Variants in CHST9 observed in about 807,000 individuals in gnomAD.
The protein encoded by CHST9 is GalNAc-4-sulfotransferase 2.
CHST9 carries 41 observed loss-of-function variants against 44.4 expected under a neutral mutation model. That is an observed-to-expected ratio of 0.92 (90% CI 0.72 to 1.20). CHST9 has a LOEUF of 1.20. Ranked by LOEUF, CHST9 falls within the 50% of genes most tolerant of loss-of-function variation. The pLI is 0.00. For synonymous variants in CHST9, 171 were observed against 178.4 expected (o/e 0.96, Z 0.33); for missense variants, 504 against 516.5 (o/e 0.98, Z 0.23).
intron 5 of CHST9, among the ~76,000 whole-genome samples, chr18:26,942,068 CT>C (rs71169898): frequency 8.7e-4 from 130 of 149,122 alleles, no homozygotes; most frequent in East Asian, 1.4e-3. Context: ...TCCATTTTGC[CT>C]TTTTTTTTTG....
chr18:27,151,646 G>A (rs2058660267), intron 1 of CHST9, among the ~76,000 whole-genome samples: 2 of 152,140 alleles, frequency 1.3e-5, no homozygotes, highest in Admixed American at 6.6e-5. Flanking sequence ...AGGCAGAGGA[G>A]GAAGTCAGAG....
intron 2 of CHST9, among the ~76,000 whole-genome samples, chr18:27,066,760 C>T (rs892946505): frequency 6.6e-6 from 1 of 152,148 alleles, no homozygotes; most frequent in Non-Finnish European, 1.5e-5. Flanking sequence ...TTATACTTCA[C>T]TATATAACCT....
chr18:27,079,871 T>C (rs533964247), intron 2 of CHST9, among the ~76,000 whole-genome samples: 13 of 152,292 alleles, frequency 8.5e-5, no homozygotes, highest in African/African-American at 3.1e-4. Flanking sequence ...ACTTGTGCTT[T>C]TCATTCTCAC....
At chr18:27,165,744 G>A (rs1400128747) in intron 1 of CHST9, among the ~76,000 whole-genome samples, 3 of 152,072 alleles carry the variant, frequency 2.0e-5, no homozygotes, top group Non-Finnish European at 4.4e-5. Flanking sequence ...TTTTTTATTA[G>A]TTACAAAAGG....
Position 26,944,712 on chromosome 18 carries a change from T to G in CHST9, c.203-346A>C, listed in dbSNP as rs181918200. ...AGTCAAAACAAAGTTTTCCAAACAA[T>G]GACAACCTATTGAAGTATAATACTA... On this transcript the variant is annotated intron_variant, in intron 4 of 5. Coordinates refer to ENST00000618847, the MANE Select transcript of CHST9 (RefSeq NM_031422.6). Among the ~76,000 whole-genome samples the G allele has an allele frequency of 1.1e-4, 17 of 152,174 alleles. No individual in the cohort carries two copies. The East Asian group carries it at 2.9e-3, about 26-fold the overall frequency.
At chr18:27,009,979 A>G (rs2057063437) in intron 4 of CHST9, among the ~76,000 whole-genome samples, 1 of 152,206 alleles carries the variant, frequency 6.6e-6, no homozygotes. Flanking sequence ...TAAAAAGGTA[A>G]TACTTTTGTT....
chr18:27,145,587 G>C (rs754924295), intron 1 of CHST9, among the ~76,000 whole-genome samples: 1 of 152,248 alleles, frequency 6.6e-6, no homozygotes, highest in Non-Finnish European at 1.5e-5. Context: ...CCAGTTCTCT[G>C]AGTTCTCTGA....
At chr18:27,020,053 A>G (rs1221439937) in intron 4 of CHST9, among the ~76,000 whole-genome samples, 2 of 152,260 alleles carry the variant, frequency 1.3e-5, no homozygotes, top group Non-Finnish European at 2.9e-5. Flanking sequence ...AACCAGGCAG[A>G]AATAAAATGG....
intron 2 of CHST9, among the ~76,000 whole-genome samples, chr18:27,092,128 A>G (rs2058075041): frequency 6.6e-6 from 1 of 152,000 alleles, no homozygotes; most frequent in Non-Finnish European, 1.5e-5. Flanking sequence ...AGAGCCTGTT[A>G]TTTGTCTATT....
intron 3 of CHST9, among the ~76,000 whole-genome samples, chr18:27,040,735 AGTTG>A (rs1378287382): frequency 6.6e-6 from 1 of 152,172 alleles, no homozygotes; most frequent in Non-Finnish European, 1.5e-5. Flanking sequence ...GAAGGTTTTA[AGTTG>A]CACAGTATAC....
At chr18:26,942,210 TA>T (rs2056093744) in intron 5 of CHST9, among the ~76,000 whole-genome samples, 1 of 152,218 alleles carries the variant, frequency 6.6e-6, no homozygotes, top group African/African-American at 2.4e-5. Flanking sequence ...AGAGTTTATA[TA>T]AATTAGAGGT....
At chr18:26,931,835 A>C (rs2055883178) in intron 5 of CHST9, among the ~76,000 whole-genome samples, 2 of 152,210 alleles carry the variant, frequency 1.3e-5, no homozygotes, top group African/African-American at 2.4e-5. Flanking sequence ...CAGGTGGTTG[A>C]GATCATATTT....
chr18:26,907,525 G>A lies in CHST9; in HGVS notation c.*8734C>T, dbSNP rs2055385739. 1.3e-5 allele frequency: 2 copies of A among 152,162 alleles called. No homozygotes were observed. Among genetic ancestry groups the A allele is most frequent in the African/African-American group, 4.8e-5 (2 of 41,394 alleles). 9.4% of individuals were successfully genotyped at this position (152,162 alleles called of 1,614,324 possible). Reference sequence around the variant, plus strand: ...TGGTGGAGCTAAAGCAAGGAGAGTGGAAGAGAGTCCCCAAGCAGAGAGGGT... The same window carrying A: ...TGGTGGAGCTAAAGCAAGGAGAGTGAAAGAGAGTCCCCAAGCAGAGAGGGT... On this transcript the variant is annotated 3_prime_UTR_variant, in exon 6 of 6. Transcript: ENST00000618847.
At chr18:27,061,644 T>C (rs1423411766) in intron 2 of CHST9, among the ~76,000 whole-genome samples, 1 of 152,006 alleles carries the variant, frequency 6.6e-6, no homozygotes. Flanking sequence ...GTGTGTAGGC[T>C]CCAAGGCCCG....
At chr18:27,134,767 C>A (rs1273704473) in intron 2 of CHST9, among the ~76,000 whole-genome samples, 1 of 151,930 alleles carries the variant, frequency 6.6e-6, no homozygotes, top group African/African-American at 2.4e-5. Flanking sequence ...AAATTATTGA[C>A]CTTAGATGTT....
intron 2 of CHST9, among the ~76,000 whole-genome samples, chr18:27,137,110 A>C (rs1476943368): frequency 6.6e-6 from 1 of 152,110 alleles, no homozygotes; most frequent in Non-Finnish European, 1.5e-5. Context: ...CAGACAATTA[A>C]TAAGTCAACA....
chr18:27,117,542 G>T (rs1567922846), intron 2 of CHST9, among the ~76,000 whole-genome samples: 1 of 152,136 alleles, frequency 6.6e-6, no homozygotes, highest in African/African-American at 2.4e-5. Flanking sequence ...ATGCTCTGCT[G>T]ACTTATCCTT....
chr18:27,087,139 G>A (rs1212900428), intron 2 of CHST9, among the ~76,000 whole-genome samples: 1 of 152,068 alleles, frequency 6.6e-6, no homozygotes, highest in East Asian at 1.9e-4. Context: ...TAAAACTACA[G>A]AACACTTATT....
intron 1 of CHST9, among the ~76,000 whole-genome samples, chr18:27,158,284 GT>G (rs2058714394): frequency 1.4e-5 from 2 of 147,774 alleles, no homozygotes; most frequent in Admixed American, 1.4e-4. Context: ...GCCCCAGTGT[GT>G]GATGTTCCCC....
Sources: allele counts gnomAD v4.1 joint callset (sites outside exome capture counted in the v4.1 genomes callset), GRCh38; gene constraint gnomAD v4.1.1; transcripts MANE v1.5; gene names NCBI Gene and HGNC (gene_info 2026-07-23, HGNC 2026-07-21).